Variants in ESRRG observed in about 807,000 individuals in gnomAD.
ESRRG encodes the protein estrogen-related receptor gamma.
ESRRG carries 13 observed loss-of-function variants against 44.0 expected under a neutral mutation model. The ratio of observed to expected loss-of-function variants is 0.30; its 90% CI spans 0.19 to 0.47. ESRRG has a LOEUF of 0.47. Among genes scored for constraint, ESRRG ranks in the 20% least tolerant of loss-of-function variants. ESRRG has a pLI of 1.00. For missense variants in ESRRG, 395 were observed against 580.6 expected (o/e 0.68, Z 3.29); for synonymous variants, 215 against 214.6 (o/e 1.00, Z -0.02).
upstream of ESRRG, among the ~76,000 whole-genome samples, chr1:216,726,403 C>T (rs2087527021): frequency 6.6e-6 from 1 of 152,084 alleles, no homozygotes. Context: ...TCAGTCATCT[C>T]AAGAAACTTC....
chr1:216,726,441 A>G (rs1328010127), upstream of ESRRG, among the ~76,000 whole-genome samples: 1 of 152,206 alleles, frequency 6.6e-6, no homozygotes, highest in Non-Finnish European at 1.5e-5. Flanking sequence ...CTCACCTTGC[A>G]GGAGAAAACA....
At chr1:216,994,874 C>A (rs183845489) in intron 1 of ESRRG, among the ~76,000 whole-genome samples, 2 of 152,138 alleles carry the variant, frequency 1.3e-5, no homozygotes, top group African/African-American at 2.4e-5. Context: ...TGTGAGCCAC[C>A]GTGCCCGGCC....
At chr1:216,773,172 CT>C (rs1463165175) in intron 2 of ESRRG, among the ~76,000 whole-genome samples, 1 of 151,990 alleles carries the variant, frequency 6.6e-6, no homozygotes, top group Non-Finnish European at 1.5e-5. Context: ...ATGTGTATGC[CT>C]TTCTGTAATA....
chr1:217,126,800 C>G (rs2102519985), intron 1 of ESRRG, among the ~76,000 whole-genome samples: 1 of 152,228 alleles, frequency 6.6e-6, no homozygotes, highest in African/African-American at 2.4e-5. Context: ...CCAATTATCT[C>G]TCCATTCAAG....
At chr1:216,881,701 C>G (rs1249150012) in intron 2 of ESRRG, among the ~76,000 whole-genome samples, 1 of 152,090 alleles carries the variant, frequency 6.6e-6, no homozygotes, top group Non-Finnish European at 1.5e-5. Flanking sequence ...ATACCTGACC[C>G]TAATGATAAT....
intron 2 of ESRRG, among the ~76,000 whole-genome samples, chr1:216,816,831 T>C (rs1360635666): frequency 6.6e-6 from 1 of 152,150 alleles, no homozygotes; most frequent in Non-Finnish European, 1.5e-5. Flanking sequence ...GATTTGCTAA[T>C]AAAGAAAAAT....
intron 1 of ESRRG, among the ~76,000 whole-genome samples, chr1:216,980,147 T>A (rs920625049): frequency 6.6e-6 from 1 of 152,198 alleles, no homozygotes; most frequent in Non-Finnish European, 1.5e-5. Context: ...TCCTACTTTT[T>A]CTTGTTTTAT....
intron 2 of ESRRG, among the ~76,000 whole-genome samples, chr1:216,884,980 C>T (rs1449951420): frequency 6.6e-6 from 1 of 152,096 alleles, no homozygotes; most frequent in African/African-American, 2.4e-5. Context: ...AGGATGAAGT[C>T]AAATGACTTT....
intron 2 of ESRRG, among the ~76,000 whole-genome samples, chr1:216,663,404 T>C (rs1288069592): frequency 6.6e-6 from 1 of 152,122 alleles, no homozygotes; most frequent in Non-Finnish European, 1.5e-5. Flanking sequence ...ATTTGGGATA[T>C]GTATTCAGAT....
intron 1 of ESRRG, among the ~76,000 whole-genome samples, chr1:217,007,521 G>C (rs1028238906): frequency 6.6e-6 from 1 of 152,148 alleles, no homozygotes; most frequent in African/African-American, 2.4e-5. Flanking sequence ...TACTTGCAAC[G>C]ATTATTGTCA....
intron 1 of ESRRG, among the ~76,000 whole-genome samples, chr1:217,025,850 G>C (rs555845633): frequency 1.3e-5 from 2 of 152,242 alleles, no homozygotes; most frequent in African/African-American, 4.8e-5. Flanking sequence ...TGGTTATATA[G>C]TTACACTACC....
intron 2 of ESRRG, among the ~76,000 whole-genome samples, chr1:216,925,369 G>A (rs567491580): frequency 2.6e-5 from 4 of 152,222 alleles, no homozygotes; most frequent in African/African-American, 7.2e-5. Flanking sequence ...CCCGGGAGGC[G>A]GAGGTTGCAG....
intron 1 of ESRRG, among the ~76,000 whole-genome samples, chr1:216,975,763 G>T (rs1193287425): frequency 2.6e-5 from 4 of 152,146 alleles, no homozygotes; most frequent in Non-Finnish European, 4.4e-5. Flanking sequence ...TTAAGGAATA[G>T]GCAACTGGTC....
chr1:216,836,247 GAAACA>G (rs1389341863), intron 2 of ESRRG, among the ~76,000 whole-genome samples: 1 of 152,048 alleles, frequency 6.6e-6, no homozygotes, highest in South Asian at 2.1e-4. Flanking sequence ...CACAATTTTA[GAAACA>G]AAACAAAACA....
chr1:216,572,408 T>G (rs17042912), intron 3 of ESRRG, among the ~76,000 whole-genome samples: 7,260 of 152,152 alleles, frequency 0.048, 564 homozygotes, highest in African/African-American at 0.16. Flanking sequence ...TCTTTATTTG[T>G]GCAACTTTGA....
At chr1:217,129,051 C>T (rs4846816) in intron 1 of ESRRG, among the ~76,000 whole-genome samples, 1 of 152,098 alleles carries the variant, frequency 6.6e-6, no homozygotes, top group East Asian at 1.9e-4. Context: ...GTTAAAAAAA[C>T]CCACAGAATA....
intron 1 of ESRRG, among the ~76,000 whole-genome samples, chr1:217,053,465 A>G (rs969242081): frequency 6.9e-6 from 1 of 145,514 alleles, no homozygotes; most frequent in African/African-American, 2.6e-5. Context: ...AAAGCCAAAA[A>G]AAAGAAAGAA....
At chr1:216,865,137 T>C (rs2096125937) in intron 2 of ESRRG, 1 of 142,046 alleles carries the variant, frequency 7.0e-6, no homozygotes, top group Non-Finnish European at 1.5e-5. Flanking sequence ...ACTAGGAAGG[T>C]TTCTTATAAG....
intron 2 of ESRRG, among the ~76,000 whole-genome samples, chr1:216,675,884 C>T (rs1324807724): frequency 6.6e-6 from 1 of 152,178 alleles, no homozygotes; most frequent in African/African-American, 2.4e-5. Flanking sequence ...CAAAAACCCC[C>T]CTTTCCCTGG....
Sources: allele counts gnomAD v4.1 joint callset (sites outside exome capture counted in the v4.1 genomes callset), GRCh38; gene constraint gnomAD v4.1.1; transcripts MANE v1.5; gene names NCBI Gene and HGNC (gene_info 2026-07-23, HGNC 2026-07-21).